MOB3A: variants seen among roughly 807,000 people sequenced by gnomAD.
MOB3A encodes the protein MOB kinase activator 3A.
A neutral mutation model predicts 17.8 loss-of-function variants in MOB3A; 17 were observed. The observed-to-expected ratio is 0.95, with a 90% CI of 0.65 to 1.43. The LOEUF is 1.43. Ranked by LOEUF, MOB3A falls within the 40% of genes most tolerant of loss-of-function variation. MOB3A has a pLI of 0.00. For missense variants in MOB3A, 333 were observed against 310.8 expected (o/e 1.07, Z -0.54); for synonymous variants, 124 against 133.2 (o/e 0.93, Z 0.48).
chr19:2,081,953 G>A (rs186772668), intron 2 of MOB3A, among the ~76,000 whole-genome samples: 2 of 152,310 alleles, frequency 1.3e-5, no homozygotes, highest in Admixed American at 6.5e-5. Context: ...ACCATAAGAA[G>A]GTCCAGGGTC....
chr19:2,080,761 C>T (rs188073889), intron 2 of MOB3A, among the ~76,000 whole-genome samples: 4 of 152,256 alleles, frequency 2.6e-5, no homozygotes, highest in Admixed American at 2.6e-4. Flanking sequence ...GCTGCCATCA[C>T]AAATCACCAC....
Position 2,073,233 on chromosome 19 carries a change from G to A in MOB3A, c.*162C>T, listed in dbSNP as rs1414660845. The A allele has an allele frequency of 1.2e-5, 9 of 778,796 alleles. No individual in the cohort carries two copies. The highest frequency in any genetic ancestry group is 2.5e-5 in the East Asian group (1 of 40,548). The allele number at this position is 778,796 out of a possible 1,614,324, so 48.2% of individuals were successfully genotyped here. ...AGACTGAGGAAGGCATCTGCCGTCC[G>A]GGGTTGGAGCTCCTGAGGACCAACA... On this transcript the variant is annotated 3_prime_UTR_variant, in exon 5 of 5. Coordinates refer to ENST00000357066, the MANE Select transcript of MOB3A (RefSeq NM_130807.3).
At chr19:2,077,119 G>C in intron 3 of MOB3A, 106 bp from the exon 4 acceptor site, 1 of 1,003,244 alleles carries the variant, frequency 1.0e-6, no homozygotes, top group Non-Finnish European at 1.5e-6. Context: ...ATTGCTGGCA[G>C]ATCGGGCGCG....
chr19:2,077,493 G>C (rs573117030), intron 3 of MOB3A, among the ~76,000 whole-genome samples: 1 of 152,324 alleles, frequency 6.6e-6, no homozygotes, highest in South Asian at 2.1e-4. Flanking sequence ...CGTTTATGGG[G>C]TGTCCCTGAG....
intron 1 of MOB3A, among the ~76,000 whole-genome samples, chr19:2,091,274 C>T (rs1364917191): frequency 6.6e-6 from 1 of 152,174 alleles, no homozygotes; most frequent in Non-Finnish European, 1.5e-5. Context: ...TAACCCAGGA[C>T]GGCCCGGCCA....
chr19:2,090,257 C>T (rs529553116), intron 1 of MOB3A: 10 of 152,418 alleles, frequency 6.6e-5, no homozygotes, highest in African/African-American at 1.7e-4. Flanking sequence ...CCTTTGTCCC[C>T]GGTGGGAATT....
At chr19:2,086,532 G>A (rs146062022) in intron 1 of MOB3A, among the ~76,000 whole-genome samples, 10 of 147,172 alleles carry the variant, frequency 6.8e-5, no homozygotes, top group African/African-American at 2.3e-4. Flanking sequence ...CCTAATTTTT[G>A]TATTTTTAGG....
intron 2 of MOB3A, among the ~76,000 whole-genome samples, chr19:2,080,592 G>A (rs1245401828): frequency 6.6e-6 from 1 of 152,072 alleles, no homozygotes; most frequent in Admixed American, 6.6e-5. Flanking sequence ...GGCCAGGCTG[G>A]TCTCGAATTC....
chr19:2,079,835 G>A (rs371611920), intron 2 of MOB3A, among the ~76,000 whole-genome samples: 20 of 152,294 alleles, frequency 1.3e-4, no homozygotes, highest in African/African-American at 3.4e-4. Context: ...CCACCCCAAG[G>A]CACCGTATAA....
In MOB3A at chr19:2,073,287, CCT is replaced by C; in HGVS notation, c.*106_*107del. ...GCTCAGCGGCTCGGCCCCTGGTCTCCCTGAGATGCTCAGGCCGGAGAGAAGCG... is the reference window on the plus strand; with the variant it reads ...GCTCAGCGGCTCGGCCCCTGGTCTCCGAGATGCTCAGGCCGGAGAGAAGCG... On this transcript the variant is annotated 3_prime_UTR_variant, in exon 5 of 5. Transcript: ENST00000357066. 6.9e-7 allele frequency: 1 copy of C among 1,455,874 alleles called. No homozygotes were observed. The highest frequency in any genetic ancestry group is 9.5e-7 in the Non-Finnish European group (1 of 1,049,192). The allele number at this position is 1,455,874 out of a possible 1,614,324, so 90.2% of individuals were successfully genotyped here.
chr19:2,091,341 G>T (rs926227541), intron 1 of MOB3A, among the ~76,000 whole-genome samples: 1 of 152,132 alleles, frequency 6.6e-6, no homozygotes. Context: ...CCCAATATCC[G>T]ATAAGTGCAA....
Position 2,073,304 on chromosome 19 carries a change from G to A in MOB3A, c.*91C>T, listed in dbSNP as rs1056463719. The A allele has an allele frequency of 3.3e-5, 51 of 1,531,710 alleles. No homozygotes were observed. Among genetic ancestry groups the A allele is most frequent in the Middle Eastern group, 1.9e-4 (1 of 5,254 alleles). The allele number at this position is 1,531,710 out of a possible 1,614,324, so 94.9% of individuals were successfully genotyped here. On this transcript the variant is annotated 3_prime_UTR_variant, in exon 5 of 5. Transcript: ENST00000357066. Reference sequence around the variant, plus strand: ...CTGGTCTCCCTGAGATGCTCAGGCCGGAGAGAAGCGGGATGATGGTTCCAG... The same window carrying A: ...CTGGTCTCCCTGAGATGCTCAGGCCAGAGAGAAGCGGGATGATGGTTCCAG...
intron 3 of MOB3A, among the ~76,000 whole-genome samples, chr19:2,077,564 C>A (rs902478406): frequency 6.6e-6 from 1 of 152,096 alleles, no homozygotes; most frequent in Non-Finnish European, 1.5e-5. Flanking sequence ...GGTGATGATC[C>A]TGGTGGGCCC....
intron 4 of MOB3A, among the ~76,000 whole-genome samples, chr19:2,074,406 AAAAG>A (rs1055776746): frequency 1.3e-5 from 2 of 152,120 alleles, no homozygotes; most frequent in Non-Finnish European, 2.9e-5. Flanking sequence ...AAAGAAAAGA[AAAAG>A]AAAGAAAAAA....
At chr19:2,088,171 G>A (rs2017574673) in intron 1 of MOB3A, among the ~76,000 whole-genome samples, 1 of 152,204 alleles carries the variant, frequency 6.6e-6, no homozygotes, top group Non-Finnish European at 1.5e-5. Context: ...TGGTGGCCAG[G>A]GATGCTGCCC....
chr19:2,073,462 A>C, intron 4 of MOB3A, 38 bp from the exon 5 acceptor site: 3 of 1,613,532 alleles, frequency 1.9e-6, no homozygotes, highest in Non-Finnish European at 2.5e-6. Flanking sequence ...CCCACCAGCC[A>C]CTCCTAAAAG....
At chr19:2,075,381 T>A (rs922104153) in intron 4 of MOB3A, among the ~76,000 whole-genome samples, 6 of 152,206 alleles carry the variant, frequency 3.9e-5, no homozygotes, top group Non-Finnish European at 8.8e-5. Flanking sequence ...CCACCTGTCA[T>A]CTGAATACTT....
chr19:2,089,442 G>A (rs2017588503), intron 1 of MOB3A, among the ~76,000 whole-genome samples: 1 of 152,218 alleles, frequency 6.6e-6, no homozygotes, highest in African/African-American at 2.4e-5. Flanking sequence ...ACTGCAGGGT[G>A]CTGAGCAGCG....
intron 4 of MOB3A, 45 bp downstream of exon 4, chr19:2,076,765 AC>A: frequency 6.3e-7 from 1 of 1,590,844 alleles, no homozygotes; most frequent in Non-Finnish European, 8.6e-7. Context: ...GCCACGGGCC[AC>A]CAGCCCCACC....
Sources: gnomAD v4.1 joint callset for allele counts (sites outside exome capture counted in the v4.1 genomes callset) on GRCh38, gnomAD v4.1.1 for gene constraint, MANE v1.5 for transcripts, NCBI Gene and HGNC (gene_info 2026-07-23, HGNC 2026-07-21) for gene names.